RSRP1: variants seen among roughly 807,000 people sequenced by gnomAD.
RSRP1 encodes the protein arginine and serine rich protein 1.
A neutral mutation model predicts 33.0 loss-of-function variants in RSRP1; 37 were observed. The ratio of observed to expected loss-of-function variants is 1.12; its 90% CI spans 0.86 to 1.48. RSRP1 has a LOEUF of 1.48. Ranked by LOEUF, RSRP1 falls within the 40% of genes most tolerant of loss-of-function variation. RSRP1 has a pLI of 0.00. For synonymous variants in RSRP1, 167 were observed against 158.7 expected, an observed-to-expected ratio of 1.05 and a Z score of -0.40; for missense variants, 402 against 385.3, an observed-to-expected ratio of 1.04 and a Z score of -0.36.
chr1:25,260,745 C>G (rs1640106915), intron 1 of RSRP1, among the ~76,000 whole-genome samples: 1 of 152,064 alleles, frequency 6.6e-6, no homozygotes, highest in Admixed American at 6.5e-5. Context: ...GCTGCCTCCT[C>G]CCTGTGTCCT....
chr1:25,321,142 G>A, intron 1 of RSRP1, among the ~76,000 whole-genome samples: 1 of 130,550 alleles, frequency 7.7e-6, no homozygotes, highest in Admixed American at 7.5e-5. Flanking sequence ...TACACAAGTG[G>A]AATCTTAAGC....
At chr1:25,244,059 AT>A (rs5773124) in intron 3 of RSRP1, 669 of 1,042,984 alleles carry the variant, frequency 6.4e-4, no homozygotes, top group South Asian at 2.5e-3. Flanking sequence ...TAGATACAGC[AT>A]TTTTTTTTTT....
upstream of RSRP1, among the ~76,000 whole-genome samples, chr1:25,249,021 C>T (rs1485756539): frequency 2.0e-5 from 3 of 152,058 alleles, no homozygotes; most frequent in Non-Finnish European, 2.9e-5. Context: ...TGGTGGCGGG[C>T]GCCTGTAATC....
intron 1 of RSRP1, among the ~76,000 whole-genome samples, chr1:25,276,607 A>T (rs1641020078): frequency 8.0e-6 from 1 of 125,260 alleles, no homozygotes; most frequent in Admixed American, 7.8e-5. Flanking sequence ...CCAGCTACTC[A>T]GTAGGCTGAG....
intron 1 of RSRP1, among the ~76,000 whole-genome samples, chr1:25,305,790 CG>C (rs1192241113): frequency 3.1e-5 from 4 of 130,078 alleles, no homozygotes; most frequent in Admixed American, 3.0e-4. Context: ...TTAGTAGAGA[CG>C]GGGTTTCACC....
At chr1:25,333,477 G>C (rs1645042209) in intron 1 of RSRP1, among the ~76,000 whole-genome samples, 1 of 129,546 alleles carries the variant, frequency 7.7e-6, no homozygotes. Flanking sequence ...TCCAGGTAGA[G>C]AAGACAAGTG....
intron 1 of RSRP1, among the ~76,000 whole-genome samples, chr1:25,263,514 T>C (rs980580399): frequency 2.6e-5 from 4 of 151,848 alleles, no homozygotes; most frequent in African/African-American, 9.7e-5. Flanking sequence ...AGCCATCAGA[T>C]CCTGTTAGAC....
intron 1 of RSRP1, among the ~76,000 whole-genome samples, chr1:25,257,596 GA>G (rs1433937766): frequency 1.4e-5 from 2 of 144,900 alleles, no homozygotes; most frequent in Non-Finnish European, 3.0e-5. Flanking sequence ...TGGAGATGCA[GA>G]TTTTTTTTTT....
chr1:25,304,352 G>C (rs376642337), intron 1 of RSRP1: 1 of 122,052 alleles, frequency 8.2e-6, no homozygotes, highest in Non-Finnish European at 1.9e-5. Context: ...TGGCTCACGC[G>C]CTTTGGGAGG....
intron 1 of RSRP1, chr1:25,266,154 A>C (rs1480506897): frequency 7.5e-6 from 1 of 133,030 alleles, no homozygotes; most frequent in Non-Finnish European, 1.8e-5. Flanking sequence ...ACAAACATTC[A>C]TTAAGTCCCA....
rs61131306 is a variant in RSRP1, at chr1:25,295,850, A to AT, written c.-67+42127dup. 9.1e-4 allele frequency among the ~76,000 whole-genome samples: 74 copies of AT among 81,264 alleles called. 6 individuals carry two copies. The highest frequency in any genetic ancestry group is 3.0e-3 in the African/African-American group (70 of 23,146). 53.3% of individuals were successfully genotyped at this position (81,264 alleles called of 152,430 possible). A position where few individuals can be genotyped will look rare whatever the true frequency, so the allele number is the denominator to read the frequency against. ...AATGGTCTGGGAGGGAATATGGGAA[A>AT]TTTTTTTTTTTTTTTTTTTTTTTTT... On this transcript the variant is annotated intron_variant, in intron 1 of 1. Transcript: ENST00000561867.
rs554754151 is a variant in RSRP1, at chr1:25,291,341, C to T, written c.-66-44312G>A. Among the ~76,000 whole-genome samples the T allele has an allele frequency of 3.8e-4, 50 of 130,760 alleles. 3 individuals are homozygous for T. The East Asian group carries it at 5.5e-3, about 14-fold the overall frequency. The allele number at this position is 130,760 out of a possible 152,430, so 85.8% of individuals were successfully genotyped here. ...AAATTTAGCTGGGCATGGTGGCAGG[C>T]GCCTGTAATCCCAGCTACTCAGGAG... is the stretch of plus-strand genomic sequence containing the variant. On this transcript the variant is annotated intron_variant, in intron 1 of 1. Coordinates refer to the RSRP1 transcript ENST00000561867.
chr1:25,316,689 C>T (rs1357704635), intron 1 of RSRP1, among the ~76,000 whole-genome samples: 2 of 124,240 alleles, frequency 1.6e-5, no homozygotes, highest in African/African-American at 5.4e-5. Flanking sequence ...TGCCCAGGGT[C>T]TTGCAGCTAG....
Position 25,267,558 on chromosome 1 carries a change from T to A in RSRP1, c.-66-20529A>T, listed in dbSNP as rs550850178. Among the ~76,000 whole-genome samples, 82 of 117,380 alleles carry A rather than the reference T, an allele frequency of 7.0e-4. 18 individuals are homozygous for A. Among genetic ancestry groups the A allele is most frequent in the Non-Finnish European group, 1.3e-3 (64 of 49,646 alleles). The allele number at this position is 117,380 out of a possible 152,430, so 77.0% of individuals were successfully genotyped here. A position where few individuals can be genotyped will look rare whatever the true frequency, so the allele number is the denominator to read the frequency against. ...GCTGAACCCGCCCCTCTCCCAGAGG[T>A]GGAGCTGCGGGGGGCGGGAACAGGC... On this transcript the variant is annotated intron_variant, in intron 1 of 1. Transcript: ENST00000561867.
At chr1:25,331,298 TAGA>T in intron 1 of RSRP1, among the ~76,000 whole-genome samples, 1 of 131,318 alleles carries the variant, frequency 7.6e-6, no homozygotes, top group African/African-American at 2.6e-5. Context: ...CCAGTCCTAT[TAGA>T]TTAGGGCTCC....
chr1:25,304,711 AT>A (rs1472257932), intron 1 of RSRP1: 2 of 132,338 alleles, frequency 1.5e-5, no homozygotes, highest in South Asian at 4.6e-4. Context: ...AAAAAATAAA[AT>A]TAAATAAGGA....
rs1027198198 is a variant in RSRP1 at position 25,254,386 on chromosome 1, G to A, written c.-66-7357C>T. Among the ~76,000 whole-genome samples, 13 of 152,102 alleles carry A rather than the reference G, an allele frequency of 8.5e-5. 1 individual carries two copies. The highest frequency in any genetic ancestry group is 1.8e-4 in the Non-Finnish European group (12 of 68,022). On this transcript the variant is annotated intron_variant, in intron 1 of 1. Transcript: ENST00000561867. ...ATCTGTAATATTCACCAGGGAAGCC[G>A]ATGACTCTGTCCAATTACAGCCACC...
At chr1:25,250,325 G>A (rs949259076), upstream of RSRP1, among the ~76,000 whole-genome samples, 3 of 152,130 alleles carry the variant, frequency 2.0e-5, no homozygotes, top group Admixed American at 1.3e-4. Context: ...CTTGGAGTCA[G>A]CTTGCACTAG....
At chr1:25,263,147 T>A (rs1640209550) in intron 1 of RSRP1, among the ~76,000 whole-genome samples, 1 of 151,974 alleles carries the variant, frequency 6.6e-6, no homozygotes, top group Admixed American at 6.6e-5. Flanking sequence ...AACTTCCAGG[T>A]AGAGAAGACA....
Sources: allele counts gnomAD v4.1 joint callset (sites outside exome capture counted in the v4.1 genomes callset), GRCh38; gene constraint gnomAD v4.1.1; transcripts MANE v1.5; gene names NCBI Gene and HGNC (gene_info 2026-07-23, HGNC 2026-07-21).